Variants in RYR3 observed in about 807,000 individuals in gnomAD.
RYR3 encodes brain ryanodine receptor-calcium release channel.
A neutral mutation model predicts 584.3 loss-of-function variants in RYR3; 207 were observed. The ratio of observed to expected loss-of-function variants is 0.35; its 90% CI spans 0.32 to 0.40. The LOEUF (loss-of-function observed/expected upper bound fraction) is 0.40, where lower values mean the gene tolerates loss of function less well. Among genes scored for constraint, RYR3 ranks in the 10% least tolerant of loss-of-function variants. RYR3 has a pLI of 1.00. For missense variants in RYR3, 5,616 were observed against 6,089.2 expected (o/e 0.92, Z 2.59); for synonymous variants, 2,416 against 2,248.5 (o/e 1.07, Z -2.11).
At chr15:33,514,125 T>C (rs905007357) in intron 3 of RYR3, among the ~76,000 whole-genome samples, 5 of 152,222 alleles carry the variant, frequency 3.3e-5, no homozygotes, top group Non-Finnish European at 7.3e-5. Context: ...GTTATTCACC[T>C]CTTTCTTTGT....
At chr15:33,427,356 C>T (rs1212662712) in intron 1 of RYR3, among the ~76,000 whole-genome samples, 7 of 152,156 alleles carry the variant, frequency 4.6e-5, no homozygotes, top group South Asian at 2.1e-4. Flanking sequence ...CACCTATAGT[C>T]CCAGCTTCTT....
At chr15:33,384,715 T>G (rs1222667439) in intron 1 of RYR3, among the ~76,000 whole-genome samples, 1 of 151,928 alleles carries the variant, frequency 6.6e-6, no homozygotes, top group Non-Finnish European at 1.5e-5. Context: ...CTCTACTCTC[T>G]TAGCAATTTT....
At chr15:33,566,348 G>C (rs2057714863) in intron 11 of RYR3, among the ~76,000 whole-genome samples, 2 of 152,194 alleles carry the variant, frequency 1.3e-5, no homozygotes, top group Non-Finnish European at 1.5e-5. Context: ...CCAAGGGTAA[G>C]ATTCTATGTT....
rs56004474 is a variant in RYR3, at chr15:33,707,833, T to C, written c.6619+779T>C. 1.1e-3 allele frequency among the ~76,000 whole-genome samples: 163 copies of C among 152,308 alleles called. 1 individual carries two copies. Among genetic ancestry groups the C allele is most frequent in the African/African-American group, 3.9e-3 (161 of 41,556 alleles). On this transcript the variant is annotated intron_variant, in intron 43 of 103. Coordinates refer to ENST00000634891, the MANE Select transcript of RYR3 (RefSeq NM_001036.6). ...TCATGCCAGTTGTTCTAAGAATTTGTCTCAAAATATGTTGATATAATGTGA... is the reference window on the plus strand; with the variant it reads ...TCATGCCAGTTGTTCTAAGAATTTGCCTCAAAATATGTTGATATAATGTGA...
chr15:33,851,274 A>C (rs1322150557), intron 94 of RYR3: 1 of 152,182 alleles, frequency 6.6e-6, no homozygotes, highest in Non-Finnish European at 1.5e-5. Context: ...AATTTGCTGA[A>C]TAGTAGGATA....
intron 70 of RYR3, 32 bp downstream of exon 70, chr15:33,807,601 G>T: frequency 6.5e-7 from 1 of 1,549,274 alleles, no homozygotes; most frequent in Non-Finnish European, 8.7e-7. Context: ...TGTCTTTTCT[G>T]TCCTAGTATT....
At chr15:33,821,679 A>G in intron 80 of RYR3, 77 bp downstream of exon 80, 1 of 1,419,922 alleles carries the variant, frequency 7.0e-7, no homozygotes, top group Non-Finnish European at 9.9e-7. Context: ...AGGGAAGAGG[A>G]GTTGACTGCT....
At chr15:33,601,678 A>C (rs1289225834) in intron 17 of RYR3, 126 bp downstream of exon 17, 5 of 965,146 alleles carry the variant, frequency 5.2e-6, no homozygotes, top group South Asian at 3.1e-5. Context: ...ATACAAGTAC[A>C]TAAGACAAGA....
intron 29 of RYR3, among the ~76,000 whole-genome samples, chr15:33,647,109 C>T (rs1001813163): frequency 2.0e-5 from 3 of 152,204 alleles, no homozygotes; most frequent in Admixed American, 6.5e-5. Context: ...TAAACAAGCA[C>T]AGCTACTTGT....
At chr15:33,679,694 G>A (rs554785814) in intron 38 of RYR3, among the ~76,000 whole-genome samples, 5 of 152,224 alleles carry the variant, frequency 3.3e-5, no homozygotes, top group Admixed American at 6.5e-5. Flanking sequence ...CTTATTCCCT[G>A]ACCAGTACTC....
At chr15:33,601,311 T>A in intron 16 of RYR3, 108 bp from the exon 17 acceptor site, 1 of 1,153,986 alleles carries the variant, frequency 8.7e-7, no homozygotes, top group Non-Finnish European at 1.2e-6. Flanking sequence ...TCTCTACCCG[T>A]CACCTAGCCC....
chr15:33,780,457 C>T, intron 65 of RYR3, 116 bp downstream of exon 65: 1 of 1,074,718 alleles, frequency 9.3e-7, no homozygotes, highest in Non-Finnish European at 1.3e-6. Flanking sequence ...TGAGAGGAGC[C>T]AGGAGGTGAG....
intron 93 of RYR3, among the ~76,000 whole-genome samples, chr15:33,847,388 A>G (rs2078796316): frequency 6.6e-6 from 1 of 152,246 alleles, no homozygotes; most frequent in African/African-American, 2.4e-5. Context: ...CAAAGGTCTC[A>G]AGGATGTTGC....
intron 23 of RYR3, among the ~76,000 whole-genome samples, chr15:33,632,280 T>G (rs2061306757): frequency 6.6e-6 from 1 of 152,228 alleles, no homozygotes; most frequent in African/African-American, 2.4e-5. Context: ...CACATGGCCA[T>G]GACAATCTGC....
At chr15:33,580,227 C>T in intron 13 of RYR3, 83 bp downstream of exon 13, 1 of 1,142,272 alleles carries the variant, frequency 8.8e-7, no homozygotes, top group Non-Finnish European at 1.2e-6. Context: ...CTTTGTCTTT[C>T]TGCATGCACG....
At chr15:33,333,527 G>A (rs1203985418) in intron 1 of RYR3, among the ~76,000 whole-genome samples, 1 of 152,076 alleles carries the variant, frequency 6.6e-6, no homozygotes, top group Admixed American at 6.5e-5. Flanking sequence ...AATAAACTAG[G>A]TATTGAAGGA....
chr15:33,626,320 G>T (rs545479283), intron 20 of RYR3, among the ~76,000 whole-genome samples: 1 of 152,170 alleles, frequency 6.6e-6, no homozygotes. Context: ...AGTAAAGGTC[G>T]CTCCTCCTAT....
At chr15:33,506,910 A>G (rs555926394) in intron 3 of RYR3, among the ~76,000 whole-genome samples, 64 of 152,342 alleles carry the variant, frequency 4.2e-4, no homozygotes, top group African/African-American at 1.5e-3. Context: ...GTGAGTTAAC[A>G]TGACAGAGCA....
intron 48 of RYR3, 57 bp from the exon 49 acceptor site, chr15:33,736,178 C>A: frequency 8.8e-7 from 1 of 1,138,026 alleles, no homozygotes; most frequent in Non-Finnish European, 1.3e-6. Flanking sequence ...TCTTTCATTC[C>A]TCCTTTATTA....
Sources: allele counts gnomAD v4.1 joint callset (sites outside exome capture counted in the v4.1 genomes callset), GRCh38; gene constraint gnomAD v4.1.1; transcripts MANE v1.5; gene names NCBI Gene and HGNC (gene_info 2026-07-23, HGNC 2026-07-21).